Variants in MGMT observed in about 807,000 individuals in gnomAD.
The protein encoded by MGMT is methylated-DNA--protein-cysteine methyltransferase.
A neutral mutation model predicts 15.9 loss-of-function variants in MGMT; 14 were observed. The ratio of observed to expected loss-of-function variants is 0.88; its 90% confidence interval spans 0.58 to 1.37. MGMT has a LOEUF of 1.37. Among genes scored for constraint, MGMT ranks in the 40% most tolerant of loss-of-function variants. The probability of loss-of-function intolerance (pLI) is 0.00; values close to 1 mark genes in which losing one functional copy is unlikely to be tolerated. For missense variants in MGMT, 282 were observed against 268.1 expected (o/e 1.05, Z -0.36); for synonymous variants, 130 against 118.2 (o/e 1.10, Z -0.65).
At chr10:129,645,382 A>G (rs969084509) in intron 2 of MGMT, among the ~76,000 whole-genome samples, 7 of 152,072 alleles carry the variant, frequency 4.6e-5, no homozygotes, top group Non-Finnish European at 8.8e-5. Flanking sequence ...TCAGCCTCCC[A>G]AAGTGCTGGG....
At position 129,659,806 on chromosome 10, in the gene MGMT, TC is replaced by T. The variant is rs1253425069; in HGVS notation, c.126-48087del. On this transcript the variant is annotated intron_variant, in intron 2 of 4. Coordinates refer to ENST00000651593, the MANE Select transcript of MGMT (RefSeq NM_002412.5). The surrounding 1 kb of genome is among the most constrained non-coding windows in gnomAD (Gnocchi z 4.1). ...AAAAGTCTAAATTGAACCAAAGTCC[TC>T]CTTAAAGATTGCCTTTGAAATTGAG... Among the ~76,000 whole-genome samples, 1 of 152,192 alleles carries T rather than the reference TC, an allele frequency of 6.6e-6. No individual in the cohort carries two copies. The highest frequency in any genetic ancestry group is 1.5e-5 in the Non-Finnish European group (1 of 68,030).
chr10:129,615,355 T>C (rs1454423906), intron 2 of MGMT, among the ~76,000 whole-genome samples: 2 of 152,186 alleles, frequency 1.3e-5, no homozygotes, highest in African/African-American at 4.8e-5. Context: ...GACCACGGCC[T>C]CGTTCTTTTC....
intron 3 of MGMT, among the ~76,000 whole-genome samples, chr10:129,739,420 A>G (rs890560208): frequency 3.9e-5 from 6 of 152,306 alleles, no homozygotes; most frequent in Admixed American, 3.3e-4. Flanking sequence ...CTCAGCCCAA[A>G]ATCTCCTCTT....
At position 129,627,825 on chromosome 10, in the gene MGMT, T is replaced by C. The variant is rs149458398; in HGVS notation, c.126-80070T>C. Among the ~76,000 whole-genome samples the C allele has an allele frequency of 2.3e-3, 348 of 152,326 alleles. 1 individual carries two copies. The highest frequency in any genetic ancestry group is 7.9e-3 in the African/African-American group (328 of 41,568). ...AGCTAGAAGAAAAATACAAAAATAA[T>C]TTTGTAATGTGAGTGTGATTGTGGG... On this transcript the variant is annotated intron_variant, in intron 2 of 4. Transcript: ENST00000651593.
rs948613608 is a variant in MGMT, at chr10:129,659,538, C to T, written c.126-48357C>T. The stretch of plus-strand genomic sequence containing the variant: ...TGCTCATGAGAACAGAAGTGAAAGT[C>T]ACACAGCATGCATATTAGTTCCGAG... On this transcript the variant is annotated intron_variant, in intron 2 of 4. Coordinates refer to ENST00000651593, the MANE Select transcript of MGMT (RefSeq NM_002412.5). This position sits in a 1 kb window ranked among gnomAD's most constrained non-coding sequence, Gnocchi z 4.1. Among the ~76,000 whole-genome samples, 4 of 152,096 alleles carry T rather than the reference C, an allele frequency of 2.6e-5. No homozygotes were observed. Among genetic ancestry groups the T allele is most frequent in the African/African-American group, 9.7e-5 (4 of 41,404 alleles).
chr10:129,639,148 G>A (rs972708066), intron 2 of MGMT, among the ~76,000 whole-genome samples: 14 of 151,756 alleles, frequency 9.2e-5, no homozygotes, highest in African/African-American at 3.4e-4. Context: ...GAAATTAGTG[G>A]AAAAAATACA....
chr10:129,482,809 A>C (rs1771431), intron 1 of MGMT, among the ~76,000 whole-genome samples: 151,805 of 152,304 alleles, frequency 1, 75,656 homozygotes, highest in Middle Eastern at 1. Flanking sequence ...TTCTTGTAGA[A>C]AACACAGTTG....
At chr10:129,736,936 G>A (rs981893034) in intron 3 of MGMT, among the ~76,000 whole-genome samples, 1 of 152,214 alleles carries the variant, frequency 6.6e-6, no homozygotes, top group African/African-American at 2.4e-5. Context: ...TCTGCTGTTA[G>A]TCTGATGGGC....
At chr10:129,747,474 G>A (rs1317304359) in intron 3 of MGMT, among the ~76,000 whole-genome samples, 1 of 152,178 alleles carries the variant, frequency 6.6e-6, no homozygotes, top group Admixed American at 6.5e-5. Flanking sequence ...TAATATGATA[G>A]CTATTGTTCG....
At chr10:129,719,146 C>T (rs1177633445) in intron 3 of MGMT, among the ~76,000 whole-genome samples, 3 of 149,660 alleles carry the variant, frequency 2.0e-5, no homozygotes, top group Non-Finnish European at 4.4e-5. Context: ...GTGCCCAGAG[C>T]TGGTCTGTGT....
intron 3 of MGMT, among the ~76,000 whole-genome samples, chr10:129,742,197 T>G (rs1848642031): frequency 6.6e-6 from 1 of 152,218 alleles, no homozygotes; most frequent in Non-Finnish European, 1.5e-5. Flanking sequence ...GGAGGTCATG[T>G]GCCTACTGGG....
At position 129,726,795 on chromosome 10, in the gene MGMT, G is replaced by A. The variant is rs140871114; in HGVS notation, c.274+18752G>A. Among the ~76,000 whole-genome samples, 50 of 152,304 alleles carry A rather than the reference G, an allele frequency of 3.3e-4. 1 individual carries two copies. The East Asian group carries it at 6.4e-3, about 19-fold the overall frequency. ...TAATTAAAAGCATCAGAATTAAGTTGCTAAGTTTGAATGGGAATGTAGTGG... is the reference window on the plus strand; with the variant it reads ...TAATTAAAAGCATCAGAATTAAGTTACTAAGTTTGAATGGGAATGTAGTGG... On this transcript the variant is annotated intron_variant, in intron 3 of 4. Transcript: ENST00000651593.
chr10:129,725,717 C>T (rs568098015), intron 3 of MGMT, among the ~76,000 whole-genome samples: 8 of 152,342 alleles, frequency 5.3e-5, no homozygotes, highest in African/African-American at 1.9e-4. Context: ...ATTGGAGCAG[C>T]ACCCTGTGCC....
At chr10:129,535,820 T>C (rs1253074469) in intron 1 of MGMT, among the ~76,000 whole-genome samples, 2 of 152,260 alleles carry the variant, frequency 1.3e-5, no homozygotes, top group South Asian at 2.1e-4. Context: ...CATTCTAAAA[T>C]GTACTTTATT....
intron 2 of MGMT, among the ~76,000 whole-genome samples, chr10:129,546,477 C>CG (rs1846099759): frequency 6.6e-6 from 1 of 152,102 alleles, no homozygotes; most frequent in African/African-American, 2.4e-5. Flanking sequence ...GGGCATCTGA[C>CG]GGGGTGGTGC....
intron 3 of MGMT, among the ~76,000 whole-genome samples, chr10:129,741,292 G>A (rs1394362279): frequency 6.6e-6 from 1 of 152,184 alleles, no homozygotes; most frequent in African/African-American, 2.4e-5. Context: ...ATCTGAAGAA[G>A]CCCTGTATTT....
intron 3 of MGMT, among the ~76,000 whole-genome samples, chr10:129,750,144 T>G (rs1228296969): frequency 6.6e-6 from 1 of 152,168 alleles, no homozygotes; most frequent in Non-Finnish European, 1.5e-5. Flanking sequence ...ATTCATTTTT[T>G]TCTTTCATGA....
At chr10:129,761,250 C>T (rs997631708) in intron 4 of MGMT, among the ~76,000 whole-genome samples, 2 of 152,182 alleles carry the variant, frequency 1.3e-5, no homozygotes, top group South Asian at 2.1e-4. Context: ...TTGTGCCCCC[C>T]GAGGAGAGTA....
At chr10:129,657,728 C>CACACACA (rs1554874807) in intron 2 of MGMT, among the ~76,000 whole-genome samples, 9 of 136,150 alleles carry the variant, frequency 6.6e-5, no homozygotes, top group South Asian at 2.3e-4. Context: ...CACACACACA[C>CACACACA]CCCCTCTCCC....
Sources: allele counts gnomAD v4.1 joint callset (sites outside exome capture counted in the v4.1 genomes callset), GRCh38; gene constraint gnomAD v4.1.1; non-coding constraint Gnocchi (gnomAD v3.1); transcripts MANE v1.5; gene names NCBI Gene and HGNC (gene_info 2026-07-23, HGNC 2026-07-21).